TKT: variants seen among roughly 807,000 people sequenced by gnomAD.
The protein encoded by TKT is transketolase, also known as epididymis luminal protein 107.
Under a neutral mutation model 63.9 loss-of-function variants are expected in TKT, and 47 were observed. The ratio of observed to expected loss-of-function variants is 0.74; its 90% CI spans 0.58 to 0.94. TKT has a LOEUF of 0.94. Among genes scored for constraint, TKT ranks in the 40% least tolerant of loss-of-function variants. TKT has a pLI of 0.00. For missense variants in TKT, 721 were observed against 846.2 expected (o/e 0.85, Z 1.84); for synonymous variants, 338 against 334.1 (o/e 1.01, Z -0.13).
intron 4 of TKT, among the ~76,000 whole-genome samples, chr3:53,236,371 G>A (rs1177917063): frequency 2.0e-5 from 3 of 152,200 alleles, no homozygotes; most frequent in Non-Finnish European, 4.4e-5. Flanking sequence ...CCACATGCCA[G>A]CAGGCCAGGA....
intron 1 of TKT, among the ~76,000 whole-genome samples, chr3:53,254,829 C>T (rs1705911194): frequency 6.6e-6 from 1 of 152,226 alleles, no homozygotes; most frequent in Non-Finnish European, 1.5e-5. Flanking sequence ...TGCACGGTGG[C>T]CCTCATTAAT....
At chr3:53,247,359 A>T (rs75892688) in intron 1 of TKT, among the ~76,000 whole-genome samples, 2 of 146,044 alleles carry the variant, frequency 1.4e-5, no homozygotes, top group Admixed American at 6.8e-5. Context: ...CTCAGCCTCA[A>T]AAAAAAAAAA....
intron 7 of TKT, among the ~76,000 whole-genome samples, chr3:53,231,107 C>G (rs1704735815): frequency 6.6e-6 from 1 of 152,214 alleles, no homozygotes; most frequent in South Asian, 2.1e-4. Flanking sequence ...TGGCTTTGAT[C>G]TCAGTTCTGT....
intron 4 of TKT, 47 bp from the exon 5 acceptor site, chr3:53,235,221 G>C: frequency 6.6e-7 from 1 of 1,525,430 alleles, no homozygotes; most frequent in South Asian, 1.3e-5. Context: ...CCTGGACCCA[G>C]CTGGCTCCCA....
At chr3:53,241,833 A>G in intron 2 of TKT, 1 of 402,488 alleles carries the variant, frequency 2.5e-6, no homozygotes, top group South Asian at 2.3e-5. Flanking sequence ...CAGACTGGGC[A>G]GAACACACAA....
chr3:53,252,988 C>T (rs190015855), intron 1 of TKT, among the ~76,000 whole-genome samples: 6 of 152,052 alleles, frequency 3.9e-5, no homozygotes, highest in South Asian at 2.1e-4. Context: ...TACAGGCGCC[C>T]GCCACCACGT....
chr3:53,245,547 G>T (rs1553680761), intron 1 of TKT, among the ~76,000 whole-genome samples: 2 of 152,106 alleles, frequency 1.3e-5, no homozygotes, highest in African/African-American at 2.4e-5. Context: ...ACTTTGGGAG[G>T]CCAAGGCAGG....
rs531463598 is a variant in TKT at position 53,237,474 on chromosome 3, G to A, written c.438-2300C>T. Among the ~76,000 whole-genome samples, 223 of 148,450 alleles carry A rather than the reference G, an allele frequency of 1.5e-3. 1 individual carries two copies. The highest frequency in any genetic ancestry group is 5.3e-3 in the African/African-American group (212 of 39,988). ...CATGATAGAAGGCTTGGTTTAAAGT[G>A]TAATACTAGATTTTATATTATACAC... On this transcript the variant is annotated intron_variant, in intron 4 of 13. Coordinates refer to ENST00000462138, the MANE Select transcript of TKT (RefSeq NM_001064.4).
At position 53,255,887 on chromosome 3, in the gene TKT, G is replaced by C; in HGVS notation, c.56C>G (p.Ala19Gly). The change falls in exon 1 of 14, where the codon GCC (alanine) becomes GGC (glycine). Residue 19 changes from alanine (A) to glycine (G), a missense_variant. Physicochemically the swap from Ala to Gly is moderately conservative, Grantham distance 60 (BLOSUM62 0). Transcript: ENST00000462138. ...QQKLQALKDT[A>G]NRLRISSIQA... ...GATGGAGCTGATACGTAGGCGGTTG[G>C]CCGTGTCCTTCAAGGCCTGCAGCTT... 1 of 1,550,270 alleles carries C rather than the reference G, an allele frequency of 6.5e-7. No homozygotes were observed.
intron 7 of TKT, among the ~76,000 whole-genome samples, chr3:53,230,976 T>C (rs1340395418): frequency 6.6e-6 from 1 of 152,186 alleles, no homozygotes; most frequent in Non-Finnish European, 1.5e-5. Flanking sequence ...ATGGGTTCCC[T>C]TGGGACAGAA....
chr3:53,237,024 A>C (rs12633000), intron 4 of TKT, among the ~76,000 whole-genome samples: 26,620 of 152,214 alleles, frequency 0.17, 2,424 homozygotes, highest in South Asian at 0.29. Context: ...TTACGTGTCC[A>C]ACAACAAAGG....
rs1704458795 is a variant in TKT at position 53,225,543 on chromosome 3, G to C, written c.*213C>G. Reference sequence around the variant, plus strand: ...GGGGACTTGGGACACCCAGGTCCTGGCCCAGGACCAAGGACACCAGCCTCC... The same window carrying C: ...GGGGACTTGGGACACCCAGGTCCTGCCCCAGGACCAAGGACACCAGCCTCC... On this transcript the variant is annotated 3_prime_UTR_variant, in exon 14 of 14. Coordinates refer to ENST00000462138, the MANE Select transcript of TKT (RefSeq NM_001064.4). The C allele has an allele frequency of 4.2e-6, 2 of 479,010 alleles. No individual in the cohort carries two copies. The highest frequency in any genetic ancestry group is 7.1e-6 in the Non-Finnish European group (2 of 281,018). 29.7% of individuals were successfully genotyped at this position (479,010 alleles called of 1,614,324 possible). A position where few individuals can be genotyped will look rare whatever the true frequency, so the allele number is the denominator to read the frequency against.
chr3:53,245,613 C>A (rs146625073), intron 1 of TKT, among the ~76,000 whole-genome samples: 7,187 of 151,748 alleles, frequency 0.047, 205 homozygotes, highest in Non-Finnish European at 0.063. Context: ...GGTGAAACCC[C>A]GTCTCTACTA....
chr3:53,228,289 A>G lies in TKT; in HGVS notation c.1466T>C (p.Val489Ala). Residue 489 changes from valine (V) to alanine (A), a missense_variant, in exon 11 of 14, where the codon GTC becomes GCC. Coordinates refer to ENST00000462138, the MANE Select transcript of TKT (RefSeq NM_001064.4). Reference protein sequence around the residue: ...IIYNNNEDFQVGQAKVVLKSK... With the variant: ...IIYNNNEDFQAGQAKVVLKSK... The stretch of plus-strand genomic sequence containing the variant: ...CGAGGCACTGACCTTGGCTTGTCCG[A>G]CCTGGAAGTCCTCATTGTTGTTATA... 1.2e-6 allele frequency: 2 copies of G among 1,614,134 alleles called. No homozygotes were observed. The highest frequency in any genetic ancestry group is 1.7e-6 in the Non-Finnish European group (2 of 1,180,032).
In TKT at chr3:53,225,702, C is replaced by T; in HGVS notation, c.*54G>A. On this transcript the variant is annotated 3_prime_UTR_variant, in exon 14 of 14. Transcript: ENST00000462138. Reference sequence around the variant, plus strand: ...CTCCTCTCAGTACATCTTTGAGCACCTTTCCCAGAATCTCAGGAATGTATA... The same window carrying T: ...CTCCTCTCAGTACATCTTTGAGCACTTTTCCCAGAATCTCAGGAATGTATA... 1 of 1,517,166 alleles carries T rather than the reference C, an allele frequency of 6.6e-7. No individual in the cohort carries two copies. Among genetic ancestry groups the T allele is most frequent in the Non-Finnish European group, 8.9e-7 (1 of 1,122,162 alleles). 94.0% of individuals were successfully genotyped at this position (1,517,166 alleles called of 1,614,324 possible).
intron 8 of TKT, among the ~76,000 whole-genome samples, chr3:53,229,725 C>A (rs1479969095): frequency 6.6e-6 from 1 of 152,018 alleles, no homozygotes; most frequent in African/African-American, 2.4e-5. Flanking sequence ...CCCTTCAAGG[C>A]TCCAAAATCT....
At position 53,254,352 on chromosome 3, in the gene TKT, G is replaced by C. The variant is rs115274093; in HGVS notation, c.107+1484C>G. 5.1e-3 allele frequency among the ~76,000 whole-genome samples: 770 copies of C among 152,290 alleles called. 2 individuals are homozygous for C. Among genetic ancestry groups the C allele is most frequent in the African/African-American group, 0.016 (661 of 41,544 alleles). ...CCCAGGCAGGGGATACCCCACATAA[G>C]TGGTAAGACTGACACAAACCCAGGA... is the stretch of plus-strand genomic sequence containing the variant. On this transcript the variant is annotated intron_variant, in intron 1 of 13. Coordinates refer to ENST00000462138, the MANE Select transcript of TKT (RefSeq NM_001064.4).
chr3:53,234,760 C>T (rs558851829), intron 5 of TKT: 28 of 440,852 alleles, frequency 6.4e-5, no homozygotes, highest in Non-Finnish European at 1.1e-4. Flanking sequence ...GCCACAACCA[C>T]GAAAACAAGG....
chr3:53,226,076 C>T, intron 13 of TKT, 145 bp from the exon 14 acceptor site: 1 of 700,156 alleles, frequency 1.4e-6, no homozygotes. Flanking sequence ...CATCACATAA[C>T]TCATTGATTT....
Sources: gnomAD v4.1 joint callset for allele counts (sites outside exome capture counted in the v4.1 genomes callset) on GRCh38, gnomAD v4.1.1 for gene constraint, MANE v1.5 for transcripts, NCBI Gene and HGNC (gene_info 2026-07-23, HGNC 2026-07-21) for gene names.